The following PDCD6IP variants were observed in gnomAD, a reference collection of about 807,000 sequenced individuals.
The protein encoded by PDCD6IP is programmed cell death 6-interacting protein.
PDCD6IP carries 43 observed loss-of-function variants against 103.7 expected under a neutral mutation model. The observed-to-expected ratio is 0.41, with a 90% CI of 0.32 to 0.53. PDCD6IP has a LOEUF of 0.53. Among genes scored for constraint, PDCD6IP ranks in the 20% least tolerant of loss-of-function variants. The pLI is 0.16. For synonymous variants in PDCD6IP, 354 were observed against 378.7 expected (o/e 0.93, Z 0.76); for missense variants, 871 against 1,036.7 (o/e 0.84, Z 2.20).
chr3:33,799,077 T>G, intron 1 of PDCD6IP, 140 bp downstream of exon 1: 1 of 808,286 alleles, frequency 1.2e-6, no homozygotes, highest in Non-Finnish European at 1.9e-6. Context: ...AGGTGTGGTC[T>G]GCATTCTTTG....
At chr3:33,837,115 T>C (rs1697366956) in intron 8 of PDCD6IP, among the ~76,000 whole-genome samples, 1 of 151,948 alleles carries the variant, frequency 6.6e-6, no homozygotes, top group Admixed American at 6.6e-5. Context: ...AGACGGGGTT[T>C]CTCCGTGTTG....
chr3:33,837,145 C>T (rs906315170), intron 8 of PDCD6IP, among the ~76,000 whole-genome samples: 2 of 152,122 alleles, frequency 1.3e-5, no homozygotes, highest in African/African-American at 2.4e-5. Context: ...GCCTGGAACT[C>T]CCGACTTCAG....
At chr3:33,818,667 C>T (rs1047830897) in intron 3 of PDCD6IP, among the ~76,000 whole-genome samples, 5 of 151,148 alleles carry the variant, frequency 3.3e-5, no homozygotes. Flanking sequence ...TACAGGTGTG[C>T]GCCACCACGT....
Position 33,844,162 on chromosome 3 carries a change from A to G in PDCD6IP, c.1410A>G (p.Ala470=). The G allele has an allele frequency of 6.2e-7, 1 of 1,609,302 alleles. No individual in the cohort carries two copies. The highest frequency in any genetic ancestry group is 8.5e-7 in the Non-Finnish European group (1 of 1,178,968). ...EEEATDNDLR[A]KFKERWQRTP... ...AAGCAACCGATAATGATTTAAGAGC[A>G]AAATTTAAGGAACGTTGGCAAAGGA... The change falls in exon 11 of 18, where the codon GCA becomes GCG. Residue 470 remains alanine (A), a synonymous_variant. Coordinates refer to ENST00000307296, the MANE Select transcript of PDCD6IP (RefSeq NM_013374.6).
At chr3:33,804,000 T>C (rs1043513749) in intron 1 of PDCD6IP, among the ~76,000 whole-genome samples, 5 of 152,224 alleles carry the variant, frequency 3.3e-5, no homozygotes, top group African/African-American at 1.2e-4. Context: ...ATGGTAGTGT[T>C]TTATAGATCA....
At chr3:33,835,675 G>A (rs537598690) in intron 7 of PDCD6IP, among the ~76,000 whole-genome samples, 4 of 151,940 alleles carry the variant, frequency 2.6e-5, no homozygotes, top group Non-Finnish European at 4.4e-5. Flanking sequence ...CCGAGATCGC[G>A]CCACTGTGCT....
intron 8 of PDCD6IP, among the ~76,000 whole-genome samples, chr3:33,837,217 G>A (rs1050269031): frequency 2.0e-5 from 3 of 152,128 alleles, no homozygotes; most frequent in Non-Finnish European, 2.9e-5. Context: ...ACCGTGCCCG[G>A]CCTATTTCTT....
Position 33,853,916 on chromosome 3 carries a change from A to G in PDCD6IP, c.1928A>G (p.Asn643Ser), listed in dbSNP as rs749221269. The part of the protein sequence containing the change: ...HQEFSKMKQS[N>S]NEANLREEVL... ...GAATTTTCAAAAATGAAACAATCTA[A>G]TAATGAAGCTAACTTAAGAGAAGAA... is the stretch of plus-strand genomic sequence containing the variant. The change falls in exon 14 of 18, where the codon AAT becomes AGT. Residue 643 changes from asparagine to serine, a missense_variant. Coordinates refer to ENST00000307296, the MANE Select transcript of PDCD6IP (RefSeq NM_013374.6). 1 of 1,580,528 alleles carries G rather than the reference A, an allele frequency of 6.3e-7. No individual in the cohort carries two copies. Among genetic ancestry groups the G allele is most frequent in the South Asian group, 1.2e-5 (1 of 83,072 alleles).
chr3:33,814,343 C>T (rs1027635397), intron 3 of PDCD6IP, among the ~76,000 whole-genome samples: 17 of 151,852 alleles, frequency 1.1e-4, no homozygotes, highest in African/African-American at 4.1e-4. Flanking sequence ...CCATGTTGGC[C>T]AGGCTGGTCT....
At chr3:33,833,705 T>C (rs1697287749) in intron 7 of PDCD6IP, among the ~76,000 whole-genome samples, 3 of 152,216 alleles carry the variant, frequency 2.0e-5, no homozygotes, top group Admixed American at 2.0e-4. Flanking sequence ...CGGCAATATT[T>C]CTTTGGTGAG....
At chr3:33,822,652 A>T (rs1697018950) in intron 4 of PDCD6IP, among the ~76,000 whole-genome samples, 1 of 151,712 alleles carries the variant, frequency 6.6e-6, no homozygotes. Context: ...AGTTTATTTT[A>T]TTTTATTTAT....
chr3:33,816,575 G>C lies in PDCD6IP; in HGVS notation c.334+2947G>C, dbSNP rs75764651. On this transcript the variant is annotated intron_variant, in intron 3 of 17. Transcript: ENST00000307296. ...TGATGATCATCCCAGGTCCAGGCTG[G>C]AACATCCTTGACAGAGTCATTGTGG... Among the ~76,000 whole-genome samples, 1,335 of 151,602 alleles carry C rather than the reference G, an allele frequency of 8.8e-3. 11 individuals carry two copies. The highest frequency in any genetic ancestry group is 8.7e-3 in the Non-Finnish European group (594 of 67,892).
In PDCD6IP at chr3:33,841,040, T is replaced by C. The variant is rs1218361982; in HGVS notation, c.1182-857T>C. 1.0e-3 allele frequency among the ~76,000 whole-genome samples: 151 copies of C among 150,492 alleles called. 1 individual carries two copies. The highest frequency in any genetic ancestry group is 1.5e-3 in the African/African-American group (60 of 40,584). On this transcript the variant is annotated intron_variant, in intron 9 of 17. Coordinates refer to ENST00000307296, the MANE Select transcript of PDCD6IP (RefSeq NM_013374.6). ...TTATTTTTTGACTTTTTTTTTTTTT[T>C]CCCCCGAGACGGAGTCTCACTCTGT...
chr3:33,802,838 C>T (rs1206531749), intron 1 of PDCD6IP, among the ~76,000 whole-genome samples: 1 of 152,142 alleles, frequency 6.6e-6, no homozygotes, highest in African/African-American at 2.4e-5. Context: ...AGTAGAGGAT[C>T]TGGGAGCCTG....
chr3:33,866,442 G>A lies in PDCD6IP; in HGVS notation c.2524G>A (p.Gly842Arg). The A allele has an allele frequency of 6.2e-7, 1 of 1,611,524 alleles. No individual in the cohort carries two copies. The highest frequency in any genetic ancestry group is 8.5e-7 in the Non-Finnish European group (1 of 1,179,014). ...TCCACCAGTGTATCACCAGAGTCCT[G>A]GACAGGCTCCATACCCGGGACCCCA... ...PYPPVYHQSP[G>R]QAPYPGPQQP... is the part of the protein sequence containing the mutation. The change falls in exon 18 of 18, where the codon GGA becomes AGA. Residue 842 changes from glycine (G) to arginine (R), a missense_variant. This residue lies in a region of PDCD6IP where 202 missense variants were observed against 205.2 expected (regional missense o/e 0.98). Transcript: ENST00000307296.
chr3:33,814,980 T>C (rs575973015), intron 3 of PDCD6IP, among the ~76,000 whole-genome samples: 1 of 147,526 alleles, frequency 6.8e-6, no homozygotes, highest in Non-Finnish European at 1.5e-5. Context: ...ATATGCCTTA[T>C]GGTATATCCT....
At chr3:33,850,368 TTGAGTGTGTAAAAAATGTTCA>T (rs1474361983) in intron 12 of PDCD6IP, among the ~76,000 whole-genome samples, 1 of 152,136 alleles carries the variant, frequency 6.6e-6, no homozygotes, top group Non-Finnish European at 1.5e-5. Context: ...ATCTCGTTTT[TTGAGTGTGTAAAAAATGTTCA>T]TGATTCAAAA....
chr3:33,826,618 A>G (rs778065164), intron 6 of PDCD6IP, 38 bp downstream of exon 6: 6 of 1,607,722 alleles, frequency 3.7e-6, no homozygotes, highest in Admixed American at 1.7e-5. Flanking sequence ...CTTACTTTGC[A>G]TGTGAAATAT....
chr3:33,810,635 A>G (rs1404896383), intron 1 of PDCD6IP, among the ~76,000 whole-genome samples: 2 of 152,102 alleles, frequency 1.3e-5, no homozygotes, highest in Non-Finnish European at 2.9e-5. Flanking sequence ...TCTCTCTGCT[A>G]CCTTTAAAAA....
Sources: allele counts gnomAD v4.1 joint callset (sites outside exome capture counted in the v4.1 genomes callset), GRCh38; gene constraint gnomAD v4.1.1; regional missense constraint gnomAD v4.1.1; transcripts MANE v1.5; gene names NCBI Gene and HGNC (gene_info 2026-07-23, HGNC 2026-07-21).